Variants in SNX29 observed in about 807,000 individuals in gnomAD.
The protein encoded by SNX29 is sorting nexin-29.
A neutral mutation model predicts 102.1 loss-of-function variants in SNX29; 78 were observed. The observed-to-expected ratio is 0.76, with a 90% CI of 0.64 to 0.92. The LOEUF (loss-of-function observed/expected upper bound fraction) is 0.92. Ranked by LOEUF, SNX29 falls within the 40% of genes least tolerant of loss-of-function variation. The pLI, the probability that SNX29 is intolerant of heterozygous loss-of-function variation, is 0.00. For synonymous variants in SNX29, 580 were observed against 414.5 expected, an observed-to-expected ratio of 1.40 and a Z score of -4.85; for missense variants, 1,280 against 1,061.7, an observed-to-expected ratio of 1.21 and a Z score of -2.86.
intron 14 of SNX29, among the ~76,000 whole-genome samples, chr16:12,271,835 C>G (rs1316762456): frequency 6.6e-6 from 1 of 152,100 alleles, no homozygotes; most frequent in Non-Finnish European, 1.5e-5. Context: ...GTTGGGCAGG[C>G]TGGTGTTGAA....
rs189000491 is a variant in SNX29 at position 12,370,487 on chromosome 16, G to T, written c.1899+14208G>T. On this transcript the variant is annotated intron_variant, in intron 16 of 20. Coordinates refer to ENST00000566228, the MANE Select transcript of SNX29 (RefSeq NM_032167.5). The stretch of plus-strand genomic sequence containing the variant: ...AGGCAGGATAATTGCTTGAACCTGG[G>T]AGGTGGAGGTTGCAGCAAGTGGAGA... 3.2e-3 allele frequency among the ~76,000 whole-genome samples: 494 copies of T among 152,328 alleles called. 3 individuals carry two copies. Among genetic ancestry groups the T allele is most frequent in the Non-Finnish European group, 6.0e-3 (406 of 68,026 alleles).
intron 13 of SNX29, among the ~76,000 whole-genome samples, chr16:12,163,131 C>T (rs759612160): frequency 5.3e-5 from 8 of 152,164 alleles, no homozygotes; most frequent in Non-Finnish European, 1.0e-4. Context: ...ATACGCCCAC[C>T]TTGGCCTCCC....
chr16:12,497,859 C>G (rs1224989705), intron 19 of SNX29, among the ~76,000 whole-genome samples: 1 of 152,196 alleles, frequency 6.6e-6, no homozygotes, highest in African/African-American at 2.4e-5. Context: ...AGTCTCCTGC[C>G]TGTCCCAGGA....
chr16:12,237,328 C>A (rs564174737), intron 14 of SNX29, among the ~76,000 whole-genome samples: 3 of 152,226 alleles, frequency 2.0e-5, no homozygotes, highest in African/African-American at 7.2e-5. Flanking sequence ...GGAGCTGTGC[C>A]TCTGTCTGGG....
In SNX29 at chr16:12,077,785, T is replaced by A. The variant is rs548042870; in HGVS notation, c.1320-1048T>A. On this transcript the variant is annotated intron_variant, in intron 10 of 20. Coordinates refer to ENST00000566228, the MANE Select transcript of SNX29 (RefSeq NM_032167.5). The stretch of plus-strand genomic sequence containing the variant: ...ACAGGCATGTGCTACCACACCCAGA[T>A]AATTTTTGTATTTTTAGTAGAGAAG... Among the ~76,000 whole-genome samples the A allele has an allele frequency of 7.4e-4, 112 of 152,170 alleles. 1 individual carries two copies. Among genetic ancestry groups the A allele is most frequent in the Middle Eastern group, 3.4e-3 (1 of 294 alleles).
rs545912283 is a variant in SNX29 at position 12,535,933 on chromosome 16, T to G, written c.2318+11092T>G. ...TGAAGAAAGGGCTAGAAAATGGGGC[T>G]GGGGAGGGTTAAGGAACTTCTGAGA... On this transcript the variant is annotated intron_variant, in intron 20 of 20. Transcript: ENST00000566228. Among the ~76,000 whole-genome samples the G allele has an allele frequency of 2.1e-4, 32 of 152,322 alleles. No homozygotes were observed. In the South Asian group the frequency reaches 6.2e-3, roughly 30 times the overall value.
chr16:12,192,056 G>C (rs540254223), intron 13 of SNX29, among the ~76,000 whole-genome samples: 48 of 152,314 alleles, frequency 3.2e-4, no homozygotes, highest in African/African-American at 1.0e-3. Context: ...TACTTACCAG[G>C]TTCGTTAGTT....
At chr16:12,558,667 T>C (rs1002471200) in intron 20 of SNX29, among the ~76,000 whole-genome samples, 1 of 152,250 alleles carries the variant, frequency 6.6e-6, no homozygotes, top group Non-Finnish European at 1.5e-5. Flanking sequence ...CCAATCCTGC[T>C]GGTCCTTGTG....
At chr16:12,204,590 A>T (rs1448744059) in intron 14 of SNX29, among the ~76,000 whole-genome samples, 1 of 152,216 alleles carries the variant, frequency 6.6e-6, no homozygotes, top group East Asian at 1.9e-4. Context: ...AGAGAGGGAA[A>T]AGGAATAGAC....
chr16:12,161,865 G>A (rs981019691), intron 13 of SNX29, among the ~76,000 whole-genome samples: 2 of 151,828 alleles, frequency 1.3e-5, no homozygotes, highest in South Asian at 2.1e-4. Flanking sequence ...GTGCTGGACC[G>A]CGTTTCTTAC....
chr16:12,570,350 C>A lies in SNX29; in HGVS notation c.*1721C>A. ...CTTGGTCTCCCTCCCACTCACCTGC[C>A]AACATTGCTGCAATACACATGGTTT... On this transcript the variant is annotated 3_prime_UTR_variant, in exon 21 of 21. Transcript: ENST00000566228. 1 of 599,578 alleles carries A rather than the reference C, an allele frequency of 1.7e-6. No individual in the cohort carries two copies. Among genetic ancestry groups the A allele is most frequent in the Non-Finnish European group, 2.2e-6 (1 of 452,878 alleles). 37.1% of individuals were successfully genotyped at this position (599,578 alleles called of 1,614,324 possible). A position where few individuals can be genotyped will look rare whatever the true frequency, so the allele number is the denominator to read the frequency against.
chr16:12,276,082 A>G (rs77148775), intron 14 of SNX29, among the ~76,000 whole-genome samples: 7 of 151,864 alleles, frequency 4.6e-5, no homozygotes, highest in Non-Finnish European at 8.8e-5. Flanking sequence ...TAGTAGAGAC[A>G]GGGTTTCTCC....
chr16:12,028,743 C>T (rs898787553), intron 4 of SNX29, among the ~76,000 whole-genome samples: 6 of 151,158 alleles, frequency 4.0e-5, no homozygotes, highest in African/African-American at 4.9e-5. Flanking sequence ...GTATGGGGTA[C>T]CTGTGATTTT....
At chr16:11,978,627 G>T (rs1177459829) in intron 1 of SNX29, among the ~76,000 whole-genome samples, 1 of 151,962 alleles carries the variant, frequency 6.6e-6, no homozygotes, top group African/African-American at 2.4e-5. Flanking sequence ...ACTAGGCACT[G>T]TCTGAAAATC....
chr16:12,554,915 G>A (rs1008016357), intron 20 of SNX29, among the ~76,000 whole-genome samples: 1 of 152,044 alleles, frequency 6.6e-6, no homozygotes, highest in African/African-American at 2.4e-5. Flanking sequence ...CAGGGGAGAG[G>A]GGCTGAGGAG....
At chr16:12,211,011 T>A (rs536185833) in intron 14 of SNX29, among the ~76,000 whole-genome samples, 5 of 152,270 alleles carry the variant, frequency 3.3e-5, no homozygotes, top group South Asian at 4.1e-4. Context: ...GCACAGCCTT[T>A]AGTGCAGAGT....
intron 7 of SNX29, among the ~76,000 whole-genome samples, chr16:12,050,074 C>T (rs763022175): frequency 3.9e-5 from 6 of 152,214 alleles, no homozygotes; most frequent in Non-Finnish European, 8.8e-5. Context: ...CTGTGCTTCT[C>T]CAGCAGAGAC....
At chr16:12,158,814 A>T (rs984185449) in intron 13 of SNX29, among the ~76,000 whole-genome samples, 1 of 152,192 alleles carries the variant, frequency 6.6e-6, no homozygotes, top group African/African-American at 2.4e-5. Context: ...ATGGGGATTG[A>T]GTGAAATGGG....
At position 12,124,952 on chromosome 16, in the gene SNX29, T is replaced by C. The variant is rs958065910; in HGVS notation, c.1403-1681T>C. Among the ~76,000 whole-genome samples, 9 of 152,134 alleles carry C rather than the reference T, an allele frequency of 5.9e-5. No individual in the cohort carries two copies. The South Asian group carries it at 6.2e-4, about 11-fold the overall frequency. On this transcript the variant is annotated intron_variant, in intron 11 of 20. Coordinates refer to ENST00000566228, the MANE Select transcript of SNX29 (RefSeq NM_032167.5). The stretch of plus-strand genomic sequence containing the variant: ...GAGCGCTGCTCTGTTTCACTCGAAA[T>C]GTGAGCTGTGGCAGGTCATAAAGAG...
Sources: allele counts gnomAD v4.1 joint callset (sites outside exome capture counted in the v4.1 genomes callset), GRCh38; gene constraint gnomAD v4.1.1; transcripts MANE v1.5; gene names NCBI Gene and HGNC (gene_info 2026-07-23, HGNC 2026-07-21).